NCAM1: variants seen among roughly 807,000 people sequenced by gnomAD.
NCAM1 encodes antigen recognized by monoclonal antibody 5.1H11.
In NCAM1, 14 loss-of-function variants were observed where a neutral mutation model predicts 109.8. The observed-to-expected ratio is 0.13, with a 90% CI of 0.08 to 0.20. The LOEUF is 0.20. NCAM1 is among the 10% of genes least tolerant of loss of function. The pLI is 1.00. For synonymous variants in NCAM1, 418 were observed against 442.9 expected (o/e 0.94, Z 0.70); for missense variants, 774 against 1,109.9 (o/e 0.70, Z 4.30).
intron 1 of NCAM1, among the ~76,000 whole-genome samples, chr11:113,107,987 G>A (rs782508982): frequency 6.6e-6 from 1 of 152,110 alleles, no homozygotes; most frequent in Non-Finnish European, 1.5e-5. Flanking sequence ...GAAATTTTAT[G>A]GTCATTTGGA....
Position 112,982,584 on chromosome 11 carries a change from T to C in NCAM1, c.52+20920T>C, listed in dbSNP as rs537731507. Reference sequence around the variant, plus strand: ...CTGTGTGAGGTGATGGGAGGTGGAATTGGAGTTCTGATTGTGAGATGTAAA... The same window carrying C: ...CTGTGTGAGGTGATGGGAGGTGGAACTGGAGTTCTGATTGTGAGATGTAAA... On this transcript the variant is annotated intron_variant, in intron 1 of 19. Transcript: ENST00000316851. 8.6e-5 allele frequency among the ~76,000 whole-genome samples: 13 copies of C among 151,810 alleles called. No individual in the cohort carries two copies. The East Asian group carries it at 2.1e-3, about 25-fold the overall frequency.
chr11:113,045,985 A>C (rs1773425504), intron 1 of NCAM1, among the ~76,000 whole-genome samples: 1 of 152,214 alleles, frequency 6.6e-6, no homozygotes, highest in Non-Finnish European at 1.5e-5. Flanking sequence ...GATGAGAAAA[A>C]GATGAATTGT....
chr11:113,118,877 T>C (rs782704603), intron 1 of NCAM1, among the ~76,000 whole-genome samples: 8 of 152,018 alleles, frequency 5.3e-5, no homozygotes, highest in East Asian at 1.9e-4. Context: ...TCAAGGATAG[T>C]GTTTCAAATA....
chr11:113,219,381 A>G (rs1555114866), intron 8 of NCAM1, among the ~76,000 whole-genome samples: 1 of 152,256 alleles, frequency 6.6e-6, no homozygotes, highest in Non-Finnish European at 1.5e-5. Context: ...TGGGCACATG[A>G]ATAATGGAAT....
rs567243503 is a variant in NCAM1, at chr11:113,231,335, A to G, written c.1090-310A>G. On this transcript the variant is annotated intron_variant, in intron 9 of 19. Coordinates refer to ENST00000316851, the MANE Select transcript of NCAM1 (RefSeq NM_181351.5). ...GCCGGAGGCTTTGCTTCCATTTTAG[A>G]CATCCCAAACAAAGTCATCTTGGGG... The G allele has an allele frequency of 1.6e-5, 25 of 1,519,796 alleles. No homozygotes were observed. The East Asian group carries it at 5.9e-4, about 36-fold the overall frequency. 94.1% of individuals were successfully genotyped at this position (1,519,796 alleles called of 1,614,324 possible).
chr11:113,242,393 G>A (rs1468996833), intron 14 of NCAM1, among the ~76,000 whole-genome samples: 8 of 152,150 alleles, frequency 5.3e-5, no homozygotes, highest in African/African-American at 1.7e-4. Context: ...GGCCAGGCGG[G>A]TGGATTGCTT....
At chr11:113,177,808 G>A (rs181637605) in intron 1 of NCAM1, among the ~76,000 whole-genome samples, 48 of 152,208 alleles carry the variant, frequency 3.2e-4, no homozygotes, top group African/African-American at 1.0e-3. Context: ...GCCTGGAGCC[G>A]CTGAGGTGGG....
At chr11:113,208,033 C>T (rs570756761) in intron 7 of NCAM1, 31 bp downstream of exon 7, 4 of 1,584,024 alleles carry the variant, frequency 2.5e-6, no homozygotes, top group Admixed American at 1.8e-5. Flanking sequence ...GGTCACTGCT[C>T]TGCCACAATT....
intron 9 of NCAM1, among the ~76,000 whole-genome samples, chr11:113,230,967 C>G (rs1476639917): frequency 1.3e-5 from 2 of 152,112 alleles, no homozygotes; most frequent in Admixed American, 1.3e-4. Flanking sequence ...ATGGTGGTGG[C>G]CAAGGTGTCA....
intron 1 of NCAM1, among the ~76,000 whole-genome samples, chr11:112,990,914 T>A: frequency 6.6e-6 from 1 of 152,218 alleles, no homozygotes; most frequent in East Asian, 1.9e-4. Context: ...ACCTGATTTA[T>A]CAATTTATCA....
At chr11:113,126,613 G>A (rs529176440) in intron 1 of NCAM1, among the ~76,000 whole-genome samples, 3 of 152,078 alleles carry the variant, frequency 2.0e-5, no homozygotes, top group Admixed American at 1.3e-4. Context: ...TATTCTCAGC[G>A]GATGCAATTG....
chr11:112,969,168 G>A (rs782633757), intron 1 of NCAM1, among the ~76,000 whole-genome samples: 5 of 152,116 alleles, frequency 3.3e-5, no homozygotes, highest in Non-Finnish European at 5.9e-5. Flanking sequence ...GGGCAGAGCA[G>A]ACACCCTGAG....
At chr11:113,127,133 C>A (rs955519952) in intron 1 of NCAM1, among the ~76,000 whole-genome samples, 17 of 152,210 alleles carry the variant, frequency 1.1e-4, no homozygotes, top group African/African-American at 3.9e-4. Context: ...AATTGTGATT[C>A]CCAAGCTTGA....
At chr11:113,240,953 G>A (rs782515818) in intron 14 of NCAM1, 30 of 1,083,970 alleles carry the variant, frequency 2.8e-5, no homozygotes, top group South Asian at 3.9e-5. Context: ...GGAAAGCAGC[G>A]TCGGGTTTTA....
chr11:113,119,724 A>G (rs568104112), intron 1 of NCAM1, among the ~76,000 whole-genome samples: 154 of 152,276 alleles, frequency 1.0e-3, no homozygotes, highest in Non-Finnish European at 1.7e-3. Flanking sequence ...TCTATTAAAA[A>G]TTCTGTTAGC....
At chr11:113,195,014 G>A (rs1555110580) in intron 1 of NCAM1, among the ~76,000 whole-genome samples, 1 of 152,204 alleles carries the variant, frequency 6.6e-6, no homozygotes, top group African/African-American at 2.4e-5. Flanking sequence ...TTCAGTTGCT[G>A]TTGTGAGCCA....
chr11:113,159,072 G>C (rs1942511901), intron 1 of NCAM1, among the ~76,000 whole-genome samples: 1 of 152,164 alleles, frequency 6.6e-6, no homozygotes, highest in Non-Finnish European at 1.5e-5. Flanking sequence ...ATACAGTGTA[G>C]ACCTTTATAG....
chr11:113,022,153 C>T (rs1180098825), intron 1 of NCAM1, among the ~76,000 whole-genome samples: 2 of 152,276 alleles, frequency 1.3e-5, no homozygotes, highest in Middle Eastern at 6.8e-3. Context: ...AGCCAACAGG[C>T]CTCTGACTTA....
At chr11:112,980,849 T>C (rs1951135948) in intron 1 of NCAM1, among the ~76,000 whole-genome samples, 1 of 151,870 alleles carries the variant, frequency 6.6e-6, no homozygotes, top group Non-Finnish European at 1.5e-5. Context: ...TGAGAATAGC[T>C]AAAATAATTT....
Sources: gnomAD v4.1 joint callset for allele counts (sites outside exome capture counted in the v4.1 genomes callset) on GRCh38, gnomAD v4.1.1 for gene constraint, MANE v1.5 for transcripts, NCBI Gene and HGNC (gene_info 2026-07-23, HGNC 2026-07-21) for gene names.